MCUB: variants seen among roughly 807,000 people sequenced by gnomAD.
MCUB encodes the protein calcium uniporter regulatory subunit MCUb, mitochondrial.
In MCUB, 46 loss-of-function variants were observed where a neutral mutation model predicts 41.4. The ratio of observed to expected loss-of-function variants is 1.11; its 90% CI spans 0.88 to 1.42. The LOEUF (loss-of-function observed/expected upper bound fraction) is 1.42, where lower values mean the gene tolerates loss of function less well. MCUB is among the 40% of genes most tolerant of loss of function. The pLI is 0.00. For missense variants in MCUB, 403 were observed against 404.9 expected, an observed-to-expected ratio of 1.00 and a Z score of 0.04; for synonymous variants, 148 against 148.2, an observed-to-expected ratio of 1.00 and a Z score of 0.01.
intron 1 of MCUB, among the ~76,000 whole-genome samples, chr4:109,602,587 T>G (rs1428683460): frequency 1.3e-5 from 2 of 152,198 alleles, no homozygotes; most frequent in Admixed American, 1.3e-4. Flanking sequence ...ATGCCAGTAC[T>G]AGGCTGTTTT....
At chr4:109,623,471 G>A (rs927382653) in intron 1 of MCUB, among the ~76,000 whole-genome samples, 1 of 152,146 alleles carries the variant, frequency 6.6e-6, no homozygotes, top group Non-Finnish European at 1.5e-5. Context: ...GTCAGCAAGC[G>A]CTGATATTGA....
chr4:109,675,821 A>T lies in MCUB; in HGVS notation c.452-6761A>T, dbSNP rs980864583. On this transcript the variant is annotated intron_variant, in intron 4 of 7. Coordinates refer to ENST00000394650, the MANE Select transcript of MCUB (RefSeq NM_017918.5). ...GCCCCTTCTTGTGCTGTTGTGCATAAACACTTGCTTTCTCTCTGCCTCCCT... is the reference window on the plus strand; with the variant it reads ...GCCCCTTCTTGTGCTGTTGTGCATATACACTTGCTTTCTCTCTGCCTCCCT... 2.0e-5 allele frequency among the ~76,000 whole-genome samples: 3 copies of T among 152,140 alleles called. No individual in the cohort carries two copies. In the South Asian group the frequency reaches 6.2e-4, roughly 31 times the overall value.
intron 1 of MCUB, among the ~76,000 whole-genome samples, chr4:109,577,378 T>C (rs1727055166): frequency 6.6e-6 from 1 of 152,162 alleles, no homozygotes; most frequent in South Asian, 2.1e-4. Context: ...CGATAGCTAA[T>C]GCTTAGCATG....
At chr4:109,580,961 A>G (rs1055439740) in intron 1 of MCUB, among the ~76,000 whole-genome samples, 1 of 152,220 alleles carries the variant, frequency 6.6e-6, no homozygotes, top group Admixed American at 6.5e-5. Flanking sequence ...TGCCCAAGGT[A>G]ATTTATAGAT....
intron 1 of MCUB, among the ~76,000 whole-genome samples, chr4:109,580,951 T>C (rs937109245): frequency 2.6e-5 from 4 of 152,258 alleles, no homozygotes; most frequent in Admixed American, 2.6e-4. Context: ...ATGGCCATAC[T>C]GCCCAAGGTA....
At chr4:109,646,079 C>G (rs1383912105) in intron 1 of MCUB, among the ~76,000 whole-genome samples, 2 of 152,056 alleles carry the variant, frequency 1.3e-5, no homozygotes, top group Non-Finnish European at 2.9e-5. Context: ...TTCAGTTCAT[C>G]TAGAGTGGCT....
chr4:109,583,568 T>G (rs1377611157), intron 1 of MCUB, among the ~76,000 whole-genome samples: 2 of 152,236 alleles, frequency 1.3e-5, no homozygotes, highest in Non-Finnish European at 2.9e-5. Context: ...TTCTCTTGCC[T>G]GATTGCCCTG....
At chr4:109,567,576 AT>A (rs1267661734) in intron 1 of MCUB, among the ~76,000 whole-genome samples, 22 of 142,154 alleles carry the variant, frequency 1.5e-4, no homozygotes, top group Non-Finnish European at 3.0e-4. Context: ...AGGCTGGCTA[AT>A]TTTTTGTATT....
At chr4:109,643,485 T>G (rs1413672530) in intron 1 of MCUB, among the ~76,000 whole-genome samples, 1 of 150,828 alleles carries the variant, frequency 6.6e-6, no homozygotes, top group African/African-American at 2.4e-5. Flanking sequence ...ATGCCTGGCC[T>G]TATTTTACTT....
At chr4:109,687,367 T>A (rs80012156) in intron 7 of MCUB, 148 bp from the exon 8 acceptor site, 7,104 of 552,104 alleles carry the variant, frequency 0.013, 397 homozygotes, top group African/African-American at 0.12. Flanking sequence ...TCAAGAAAAA[T>A]ATATATATAT....
chr4:109,570,782 G>A (rs761909980), intron 1 of MCUB, among the ~76,000 whole-genome samples: 10 of 152,212 alleles, frequency 6.6e-5, no homozygotes, highest in African/African-American at 9.6e-5. Context: ...GACCAATTAC[G>A]AAGTCATGGT....
chr4:109,563,314 C>T (rs780176277), intron 1 of MCUB, among the ~76,000 whole-genome samples: 7 of 152,132 alleles, frequency 4.6e-5, no homozygotes, highest in Admixed American at 2.6e-4. Context: ...GCTTAAGTAT[C>T]GAGTATGCTT....
intron 1 of MCUB, among the ~76,000 whole-genome samples, chr4:109,632,268 TA>T (rs998652291): frequency 6.6e-6 from 1 of 152,088 alleles, no homozygotes; most frequent in Non-Finnish European, 1.5e-5. Flanking sequence ...TTGAAAAGAT[TA>T]AAAAAAATCT....
At chr4:109,647,226 C>T (rs1489265826) in intron 1 of MCUB, among the ~76,000 whole-genome samples, 2 of 152,182 alleles carry the variant, frequency 1.3e-5, no homozygotes. Context: ...CATTAGGGTT[C>T]ACTCTTGGTG....
intron 4 of MCUB, among the ~76,000 whole-genome samples, chr4:109,678,102 C>T (rs1462557866): frequency 1.3e-5 from 2 of 151,950 alleles, no homozygotes; most frequent in Non-Finnish European, 2.9e-5. Flanking sequence ...TGAGTTGACA[C>T]AGCACATGTT....
chr4:109,610,176 G>A (rs1330379115), intron 1 of MCUB, among the ~76,000 whole-genome samples: 1 of 152,182 alleles, frequency 6.6e-6, no homozygotes, highest in African/African-American at 2.4e-5. Context: ...AGGTAAGTGG[G>A]CTCGCCTCTG....
chr4:109,625,220 C>T (rs193021645), intron 1 of MCUB, among the ~76,000 whole-genome samples: 1 of 152,288 alleles, frequency 6.6e-6, no homozygotes, highest in Admixed American at 6.5e-5. Context: ...AAACCATTAA[C>T]AAGTATCGAT....
chr4:109,686,487 A>G, intron 7 of MCUB, among the ~76,000 whole-genome samples: 1 of 152,232 alleles, frequency 6.6e-6, no homozygotes, highest in East Asian at 1.9e-4. Context: ...TTCTATAGGA[A>G]AAATATAATG....
chr4:109,564,340 A>C (rs548072710), intron 1 of MCUB, among the ~76,000 whole-genome samples: 56 of 152,090 alleles, frequency 3.7e-4, no homozygotes, highest in African/African-American at 1.3e-3. Context: ...TGGTTTCACC[A>C]TGTTGGCCAA....
Sources: allele counts gnomAD v4.1 joint callset (sites outside exome capture counted in the v4.1 genomes callset), GRCh38; gene constraint gnomAD v4.1.1; transcripts MANE v1.5; gene names NCBI Gene and HGNC (gene_info 2026-07-23, HGNC 2026-07-21).